PLGRKT: variants seen among roughly 807,000 people sequenced by gnomAD.
PLGRKT encodes plasminogen receptor with a C-terminal lysine.
PLGRKT carries 22 observed loss-of-function variants against 18.5 expected under a neutral mutation model. The observed-to-expected ratio is 1.19, with a 90% CI of 0.85 to 1.70. PLGRKT has a LOEUF of 1.70. Among genes scored for constraint, PLGRKT ranks in the 40% most tolerant of loss-of-function variants. The probability of loss-of-function intolerance (pLI) is 0.00; values close to 1 mark genes in which losing one functional copy is unlikely to be tolerated. For synonymous variants in PLGRKT, 72 were observed against 52.8 expected (o/e 1.36, Z -1.58); for missense variants, 235 against 174.4 (o/e 1.35, Z -1.96).
intron 3 of PLGRKT, among the ~76,000 whole-genome samples, chr9:5,427,593 G>T (rs1330909616): frequency 6.6e-6 from 1 of 152,166 alleles, no homozygotes; most frequent in Admixed American, 6.5e-5. Flanking sequence ...TCATAGGTAT[G>T]TATGTACTGG....
intron 3 of PLGRKT, among the ~76,000 whole-genome samples, chr9:5,368,080 A>G (rs1015861084): frequency 3.3e-5 from 5 of 152,142 alleles, no homozygotes; most frequent in Non-Finnish European, 7.4e-5. Flanking sequence ...AAGATAAGAA[A>G]TAACAGATGC....
intron 2 of PLGRKT, among the ~76,000 whole-genome samples, chr9:5,433,143 C>T (rs1242672389): frequency 6.7e-6 from 1 of 150,102 alleles, no homozygotes; most frequent in African/African-American, 2.5e-5. Flanking sequence ...GCGCTTCTGC[C>T]TGGCCGCCCC....
chr9:5,409,732 A>G (rs1005916245), intron 3 of PLGRKT, among the ~76,000 whole-genome samples: 5 of 152,186 alleles, frequency 3.3e-5, no homozygotes, highest in Non-Finnish European at 7.4e-5. Flanking sequence ...ATGAAGTCCA[A>G]GAAGATCAGT....
intron 3 of PLGRKT, among the ~76,000 whole-genome samples, chr9:5,408,521 C>T (rs754266235): frequency 1.1e-4 from 17 of 152,172 alleles, no homozygotes; most frequent in Non-Finnish European, 2.4e-4. Flanking sequence ...GGCTCATATG[C>T]ACAAGCAAAG....
intron 3 of PLGRKT, among the ~76,000 whole-genome samples, chr9:5,391,560 A>C (rs1353914985): frequency 6.6e-6 from 1 of 151,914 alleles, no homozygotes; most frequent in Non-Finnish European, 1.5e-5. Flanking sequence ...ACTGGTGTAG[A>C]CCGAACTCTG....
rs1817254058 is a variant in PLGRKT, at chr9:5,361,130, G to A, written c.270C>T (p.Ile90=). ...AGCCCAAGTCATACTGGTAGGTGAG[G>A]ATAAAGCTTAATGGAACAATCGGGA... The part of the protein sequence containing the change: ...FLVPIVPLSF[I]LTYQYDLGYG... Residue 90 remains isoleucine, a synonymous_variant, in exon 5 of 6, where the codon ATC becomes ATT. Transcript: ENST00000223864. 1.9e-6 allele frequency: 3 copies of A among 1,610,916 alleles called. No homozygotes were observed. The highest frequency in any genetic ancestry group is 2.7e-5 in the African/African-American group (2 of 74,806).
At chr9:5,381,288 T>C (rs532845564) in intron 3 of PLGRKT, among the ~76,000 whole-genome samples, 30 of 152,142 alleles carry the variant, frequency 2.0e-4, no homozygotes, top group African/African-American at 6.7e-4. Flanking sequence ...GAGGGAGAAA[T>C]GGTTTCACGG....
chr9:5,425,894 T>C (rs1219974029), intron 3 of PLGRKT, among the ~76,000 whole-genome samples: 1 of 152,230 alleles, frequency 6.6e-6, no homozygotes, highest in Non-Finnish European at 1.5e-5. Context: ...AAGATTTTAT[T>C]TATTAGGCTT....
At chr9:5,376,231 G>A (rs1456103076) in intron 3 of PLGRKT, among the ~76,000 whole-genome samples, 1 of 152,148 alleles carries the variant, frequency 6.6e-6, no homozygotes, top group African/African-American at 2.4e-5. Flanking sequence ...TGGGTACAAG[G>A]TTTCATTTGG....
At chr9:5,424,245 T>C (rs892315497) in intron 3 of PLGRKT, among the ~76,000 whole-genome samples, 13 of 137,708 alleles carry the variant, frequency 9.4e-5, no homozygotes, top group Non-Finnish European at 3.0e-5. Context: ...ATGTGTCATA[T>C]AGTATATATA....
intron 3 of PLGRKT, among the ~76,000 whole-genome samples, chr9:5,403,617 AG>A (rs1818199325): frequency 6.6e-6 from 1 of 152,272 alleles, no homozygotes. Flanking sequence ...CTAAAGCACA[AG>A]AAAACAATAT....
In PLGRKT at chr9:5,436,704, A is replaced by G. The variant is rs1818966634; in HGVS notation, c.-132-10T>C. ...TTATGGGAAACCACACCTGAGAATA[A>G]ATAAATGCATCACACCTTGTAAATT... On this transcript the variant is annotated splice_polypyrimidine_tract_variant and intron_variant, in intron 1 of 5. Coordinates refer to ENST00000223864, the MANE Select transcript of PLGRKT (RefSeq NM_018465.4). The G allele has an allele frequency of 6.6e-6, 1 of 152,188 alleles. No individual in the cohort carries two copies. Among genetic ancestry groups the G allele is most frequent in the African/African-American group, 2.4e-5 (1 of 41,430 alleles). The allele number at this position is 152,188 out of a possible 1,614,324, so 9.4% of individuals were successfully genotyped here.
At chr9:5,424,670 A>T (rs1482891273) in intron 3 of PLGRKT, among the ~76,000 whole-genome samples, 128 of 68,160 alleles carry the variant, frequency 1.9e-3, no homozygotes, top group South Asian at 3.6e-3. Context: ...TATATATTTT[A>T]TATATATATA....
At chr9:5,411,689 G>A (rs573986116) in intron 3 of PLGRKT, among the ~76,000 whole-genome samples, 2 of 152,250 alleles carry the variant, frequency 1.3e-5, no homozygotes, top group African/African-American at 4.8e-5. Context: ...TGCTGGCTAG[G>A]TAAGAAATCC....
At chr9:5,411,933 A>G (rs951634886) in intron 3 of PLGRKT, among the ~76,000 whole-genome samples, 43 of 152,230 alleles carry the variant, frequency 2.8e-4, no homozygotes, top group African/African-American at 1.0e-3. Context: ...TCAACAGACT[A>G]TTTTATACTT....
At position 5,361,757 on chromosome 9, in the gene PLGRKT, C is replaced by A. The variant is rs746921415; in HGVS notation, c.212+1G>T. The A allele has an allele frequency of 6.2e-7, 1 of 1,603,640 alleles. No individual in the cohort carries two copies. The highest frequency in any genetic ancestry group is 1.3e-5 in the African/African-American group (1 of 74,256). On this transcript the variant is annotated splice_donor_variant, in intron 4 of 5. Transcript: ENST00000223864. LOFTEE classifies it high-confidence loss of function. ...AAGAAAATGTTAAATAGCAAACATA[C>A]CCAGCTGTTAAAGAGATGGCTGCAA...
chr9:5,388,527 T>C (rs1398716407), intron 3 of PLGRKT, among the ~76,000 whole-genome samples: 1 of 151,934 alleles, frequency 6.6e-6, no homozygotes, highest in Non-Finnish European at 1.5e-5. Flanking sequence ...ATAATAAGTC[T>C]TCACAAACTG....
intron 3 of PLGRKT, among the ~76,000 whole-genome samples, chr9:5,397,950 A>C (rs1818084658): frequency 6.6e-6 from 1 of 151,964 alleles, no homozygotes; most frequent in African/African-American, 2.4e-5. Flanking sequence ...GGGGAGGCAT[A>C]GAACTTGAAG....
At chr9:5,429,359 C>G (rs766795357) in intron 3 of PLGRKT, among the ~76,000 whole-genome samples, 3 of 152,186 alleles carry the variant, frequency 2.0e-5, no homozygotes, top group Non-Finnish European at 4.4e-5. Context: ...GCACAGGCAC[C>G]AAATACATCC....
Sources: allele counts gnomAD v4.1 joint callset (sites outside exome capture counted in the v4.1 genomes callset), GRCh38; gene constraint gnomAD v4.1.1; transcripts MANE v1.5; gene names NCBI Gene and HGNC (gene_info 2026-07-23, HGNC 2026-07-21).